The following STPG4 variants were observed in gnomAD, a reference collection of about 807,000 sequenced individuals.
The protein encoded by STPG4 is sperm-tail PG-rich repeat containing 4.
A neutral mutation model predicts 31.5 loss-of-function variants in STPG4; 41 were observed. The ratio of observed to expected loss-of-function variants is 1.30; its 90% confidence interval spans 1.01 to 1.69. The LOEUF is 1.69. Among genes scored for constraint, STPG4 ranks in the 40% most tolerant of loss-of-function variants. STPG4 has a pLI of 0.00. For synonymous variants in STPG4, 141 were observed against 103.0 expected (o/e 1.37, Z -2.24); for missense variants, 375 against 293.4 (o/e 1.28, Z -2.03).
intron 1 of STPG4, among the ~76,000 whole-genome samples, chr2:47,154,636 C>CAGG (rs1203834030): frequency 6.6e-6 from 1 of 152,234 alleles, no homozygotes; most frequent in Non-Finnish European, 1.5e-5. Flanking sequence ...GAGGCTGAGG[C>CAGG]AGGAGAATCC....
At chr2:47,114,501 T>C (rs577357209) in intron 5 of STPG4, among the ~76,000 whole-genome samples, 58 of 152,232 alleles carry the variant, frequency 3.8e-4, no homozygotes, top group African/African-American at 1.3e-3. Flanking sequence ...AGCAAGACTC[T>C]ATCTCAAAAA....
At chr2:47,154,679 C>T (rs1425011538) in intron 1 of STPG4, among the ~76,000 whole-genome samples, 1 of 152,020 alleles carries the variant, frequency 6.6e-6, no homozygotes, top group East Asian at 1.9e-4. Flanking sequence ...TGCAGTGAGC[C>T]GAGATCACAC....
At chr2:47,152,820 G>T in intron 2 of STPG4, 137 bp downstream of exon 2, 1 of 513,780 alleles carries the variant, frequency 1.9e-6, no homozygotes, top group Non-Finnish European at 3.2e-6. Flanking sequence ...AAAATTTTAA[G>T]TATGACATGA....
intron 3 of STPG4, among the ~76,000 whole-genome samples, chr2:47,134,230 T>C (rs1024641231): frequency 6.6e-6 from 1 of 152,204 alleles, no homozygotes; most frequent in African/African-American, 2.4e-5. Context: ...AAAGTCCATA[T>C]GTTACATTAG....
At chr2:47,093,655 G>A (rs1431392496) in intron 5 of STPG4, among the ~76,000 whole-genome samples, 1 of 152,196 alleles carries the variant, frequency 6.6e-6, no homozygotes, top group Non-Finnish European at 1.5e-5. Flanking sequence ...AGGCATGAAG[G>A]CTGATGAAGC....
At chr2:47,144,756 A>G (rs1360958208) in intron 3 of STPG4, among the ~76,000 whole-genome samples, 2 of 152,052 alleles carry the variant, frequency 1.3e-5, no homozygotes, top group East Asian at 3.9e-4. Context: ...TTTGAGATGA[A>G]GTCTTGCTCT....
In STPG4 at chr2:47,092,941, T is replaced by A. The variant is rs1435057706; in HGVS notation, c.520-2567A>T. On this transcript the variant is annotated intron_variant, in intron 5 of 6. Coordinates refer to ENST00000445927, the MANE Select transcript of STPG4 (RefSeq NM_001163561.2). The stretch of plus-strand genomic sequence containing the variant: ...TCAAGTAGCTAGGACTACAGGTGCG[T>A]GCCACCAAGCCTGGCTAATGTTTGT... Among the ~76,000 whole-genome samples the A allele has an allele frequency of 2.0e-5, 3 of 152,142 alleles. No individual in the cohort carries two copies. The East Asian group carries it at 5.8e-4, about 29-fold the overall frequency.
intron 6 of STPG4, among the ~76,000 whole-genome samples, chr2:47,088,756 A>C (rs1393983716): frequency 6.6e-6 from 1 of 152,230 alleles, no homozygotes; most frequent in Non-Finnish European, 1.5e-5. Flanking sequence ...AACCGCTTTA[A>C]ATGACAGGAT....
chr2:47,099,176 G>A (rs1438322780), intron 5 of STPG4, among the ~76,000 whole-genome samples: 2 of 152,158 alleles, frequency 1.3e-5, no homozygotes, highest in African/African-American at 4.8e-5. Flanking sequence ...ACATGCCAAG[G>A]ACGCCCAGGT....
intron 5 of STPG4, among the ~76,000 whole-genome samples, chr2:47,120,474 G>A (rs1686245386): frequency 6.6e-6 from 1 of 152,288 alleles, no homozygotes; most frequent in East Asian, 1.9e-4. Context: ...GGCTGAAGCA[G>A]GAGAATGGCG....
At chr2:47,150,461 G>A (rs1686912297) in intron 3 of STPG4, among the ~76,000 whole-genome samples, 1 of 151,958 alleles carries the variant, frequency 6.6e-6, no homozygotes, top group African/African-American at 2.4e-5. Context: ...GGAGCTGAGA[G>A]TAGAAGCTGA....
chr2:47,090,234 A>G, intron 6 of STPG4, 36 bp downstream of exon 6: 2 of 1,413,856 alleles, frequency 1.4e-6, no homozygotes, highest in Non-Finnish European at 2.0e-6. Flanking sequence ...CCATACCCCT[A>G]GGGGTGGGGG....
intron 6 of STPG4, among the ~76,000 whole-genome samples, chr2:47,088,765 A>G (rs1348899642): frequency 2.6e-5 from 4 of 152,226 alleles, no homozygotes; most frequent in African/African-American, 9.6e-5. Flanking sequence ...AAATGACAGG[A>G]TGTTTCCCTT....
rs527488522 is a variant in STPG4, at chr2:47,110,572, C to T, written c.519+19369G>A. ...TGGCACCACTGCACTCCAGCCTGGGCGACACTGCAAGACTCCATCACAAAC... is the reference window on the plus strand; with the variant it reads ...TGGCACCACTGCACTCCAGCCTGGGTGACACTGCAAGACTCCATCACAAAC... On this transcript the variant is annotated intron_variant, in intron 5 of 6. Transcript: ENST00000445927. 5.3e-4 allele frequency among the ~76,000 whole-genome samples: 81 copies of T among 152,218 alleles called. No homozygotes were observed. The Middle Eastern group carries it at 0.017, about 32-fold the overall frequency.
At chr2:47,146,896 G>T (rs554627950) in intron 3 of STPG4, among the ~76,000 whole-genome samples, 48 of 152,122 alleles carry the variant, frequency 3.2e-4, no homozygotes, top group African/African-American at 9.9e-4. Context: ...CAGCACTTTG[G>T]GGGGATGAGG....
At chr2:47,087,759 A>AT (rs1377184669) in intron 6 of STPG4, among the ~76,000 whole-genome samples, 1 of 151,966 alleles carries the variant, frequency 6.6e-6, no homozygotes, top group Non-Finnish European at 1.5e-5. Context: ...TTATTTATAT[A>AT]TTTTTTTGAG....
intron 3 of STPG4, 66 bp from the exon 4 acceptor site, chr2:47,130,326 A>G: frequency 8.1e-7 from 1 of 1,235,100 alleles, no homozygotes; most frequent in Non-Finnish European, 1.2e-6. Flanking sequence ...GTTATCTGTC[A>G]TTCGTAATCT....
chr2:47,147,088 A>G (rs982853086), intron 3 of STPG4, among the ~76,000 whole-genome samples: 1 of 152,138 alleles, frequency 6.6e-6, no homozygotes, highest in African/African-American at 2.4e-5. Flanking sequence ...GCAGTGAGCT[A>G]TGATTGTGCC....
At chr2:47,095,382 C>T (rs965038939) in intron 5 of STPG4, among the ~76,000 whole-genome samples, 8 of 152,146 alleles carry the variant, frequency 5.3e-5, no homozygotes, top group Admixed American at 3.3e-4. Context: ...AACTCTAAAC[C>T]GAGGAAGACC....
Sources: gnomAD v4.1 joint callset for allele counts (sites outside exome capture counted in the v4.1 genomes callset) on GRCh38, gnomAD v4.1.1 for gene constraint, MANE v1.5 for transcripts, NCBI Gene and HGNC (gene_info 2026-07-23, HGNC 2026-07-21) for gene names.